Variants in TPRG1 observed in about 807,000 individuals in gnomAD.
TPRG1 encodes tumor protein p63-regulated gene 1 protein.
A neutral mutation model predicts 29.3 loss-of-function variants in TPRG1; 29 were observed. The ratio of observed to expected loss-of-function variants is 0.99; its 90% CI spans 0.74 to 1.35. The LOEUF (loss-of-function observed/expected upper bound fraction) is 1.35. Ranked by LOEUF, TPRG1 falls within the 40% of genes most tolerant of loss-of-function variation. The pLI is 0.00. For missense variants in TPRG1, 327 were observed against 335.0 expected (o/e 0.98, Z 0.19); for synonymous variants, 130 against 116.8 (o/e 1.11, Z -0.73).
chr3:189,032,843 C>A (rs849002), intron 4 of TPRG1, among the ~76,000 whole-genome samples: 125,984 of 148,572 alleles, frequency 0.85, 55,247 homozygotes, highest in Non-Finnish European at 0.95. Context: ...TGAGAACATG[C>A]GGTGTTTGGT....
chr3:189,127,185 G>C (rs1166901779), exon 2 of TPRG1: 1 of 152,170 alleles, frequency 6.6e-6, no homozygotes, highest in Non-Finnish European at 1.5e-5. Flanking sequence ...GAAGATCCTT[G>C]ATAATATTTC....
intron 3 of TPRG1, among the ~76,000 whole-genome samples, chr3:189,231,943 T>TGTGTGTGTGTGTGTGTG: frequency 6.8e-6 from 1 of 147,706 alleles, no homozygotes; most frequent in Admixed American, 6.8e-5. Context: ...CAAACCTGGT[T>TGTGTGTGTGTGTGTGTG]TGTGTGTGTG....
At chr3:189,122,733 AT>A (rs1721975768) in intron 1 of TPRG1, among the ~76,000 whole-genome samples, 1 of 152,178 alleles carries the variant, frequency 6.6e-6, no homozygotes, top group Non-Finnish European at 1.5e-5. Context: ...CTGCTCCCTT[AT>A]TTATGTGCAT....
At chr3:189,315,641 G>A (rs1723393769) in intron 5 of TPRG1, 3 of 355,704 alleles carry the variant, frequency 8.4e-6, no homozygotes, top group African/African-American at 4.4e-5. Context: ...TTTTCAAGGG[G>A]ATCATGTAAA....
chr3:189,118,140 T>C (rs1721398516), intron 1 of TPRG1, among the ~76,000 whole-genome samples: 1 of 152,054 alleles, frequency 6.6e-6, no homozygotes. Context: ...ATGCAGATAA[T>C]GATGTGGACA....
intron 4 of TPRG1, among the ~76,000 whole-genome samples, chr3:189,038,425 A>G (rs1714421201): frequency 6.6e-6 from 1 of 152,178 alleles, no homozygotes; most frequent in South Asian, 2.1e-4. Flanking sequence ...TTAAAAGCAT[A>G]TAGTATTGGC....
At chr3:189,058,720 A>G (rs1715896535) in intron 4 of TPRG1, among the ~76,000 whole-genome samples, 1 of 152,208 alleles carries the variant, frequency 6.6e-6, no homozygotes, top group Non-Finnish European at 1.5e-5. Context: ...CTGTGGGGCT[A>G]ATTTACCCAG....
chr3:189,226,702 C>CAA (rs80133038), intron 3 of TPRG1, among the ~76,000 whole-genome samples: 17,171 of 139,282 alleles, frequency 0.12, 1,111 homozygotes, highest in Admixed American at 0.21. Flanking sequence ...AAAAATTAAA[C>CAA]AAAAAAAACC....
At chr3:189,025,526 T>C (rs1713611270) in intron 4 of TPRG1, among the ~76,000 whole-genome samples, 1 of 152,250 alleles carries the variant, frequency 6.6e-6, no homozygotes, top group South Asian at 2.1e-4. Context: ...ATCAGCCATC[T>C]TGTCTCCCTC....
Position 189,212,127 on chromosome 3 carries a change from A to C in TPRG1, c.211-3165A>C, listed in dbSNP as rs543914978. ...AGGACTCTATATTTGCAGATACCTT[A>C]TCAGAAAGTTGAAAGCGATTTGGGA... On this transcript the variant is annotated intron_variant, in intron 2 of 5. Coordinates refer to ENST00000345063, the MANE Select transcript of TPRG1 (RefSeq NM_198485.4). 2.0e-5 allele frequency: 3 copies of C among 152,334 alleles called. No homozygotes were observed. In the South Asian group the frequency reaches 6.2e-4, roughly 32 times the overall value. The allele number at this position is 152,334 out of a possible 1,614,324, so 9.4% of individuals were successfully genotyped here.
intron 4 of TPRG1, among the ~76,000 whole-genome samples, chr3:189,307,797 T>G (rs1432545295): frequency 6.6e-6 from 1 of 152,208 alleles, no homozygotes; most frequent in Non-Finnish European, 1.5e-5. Context: ...CCCTTCTAGC[T>G]CTGACATTCT....
At chr3:189,159,922 CG>C (rs1210599640) in intron 5 of TPRG1, among the ~76,000 whole-genome samples, 1 of 151,396 alleles carries the variant, frequency 6.6e-6, no homozygotes, top group East Asian at 1.9e-4. Context: ...TCAGTTTTCA[CG>C]AGCATTTCAA....
chr3:189,063,034 A>G (rs914147923), intron 4 of TPRG1, among the ~76,000 whole-genome samples: 7 of 152,094 alleles, frequency 4.6e-5, no homozygotes, highest in Non-Finnish European at 1.0e-4. Context: ...TTTAAATTCA[A>G]TGATATGGGT....
chr3:189,125,340 G>A (rs909064147), intron 1 of TPRG1, among the ~76,000 whole-genome samples: 10 of 152,032 alleles, frequency 6.6e-5, no homozygotes, highest in African/African-American at 1.7e-4. Flanking sequence ...TTAACCTCCC[G>A]TATTGTTTTT....
chr3:189,125,507 C>G (rs887176959), intron 1 of TPRG1, among the ~76,000 whole-genome samples: 15 of 152,162 alleles, frequency 9.9e-5, no homozygotes, highest in African/African-American at 3.6e-4. Flanking sequence ...TCCTCTTTCT[C>G]TCCACCCCAC....
At chr3:189,035,810 A>G (rs541398229) in intron 4 of TPRG1, among the ~76,000 whole-genome samples, 167 of 152,280 alleles carry the variant, frequency 1.1e-3, no homozygotes, top group Non-Finnish European at 1.6e-3. Context: ...AAACACTTAT[A>G]CACTGTTAGT....
At chr3:189,236,787 C>T (rs1241204682) in intron 3 of TPRG1, among the ~76,000 whole-genome samples, 1 of 152,080 alleles carries the variant, frequency 6.6e-6, no homozygotes, top group Non-Finnish European at 1.5e-5. Context: ...CTTTCTTTCA[C>T]TTCTGTCTCC....
chr3:189,115,583 G>A (rs986518627), intron 1 of TPRG1, among the ~76,000 whole-genome samples: 3 of 152,152 alleles, frequency 2.0e-5, no homozygotes, highest in Non-Finnish European at 4.4e-5. Flanking sequence ...TTGTCTAATG[G>A]CTCTCTTACA....
At chr3:189,133,987 G>T (rs1287220320) in intron 3 of TPRG1, among the ~76,000 whole-genome samples, 2 of 152,194 alleles carry the variant, frequency 1.3e-5, no homozygotes, top group Non-Finnish European at 2.9e-5. Context: ...GAGGCAAATA[G>T]TGTTATCTGG....
Sources: gnomAD v4.1 joint callset for allele counts (sites outside exome capture counted in the v4.1 genomes callset) on GRCh38, gnomAD v4.1.1 for gene constraint, MANE v1.5 for transcripts, NCBI Gene and HGNC (gene_info 2026-07-23, HGNC 2026-07-21) for gene names.